GCM1: variants seen among roughly 807,000 people sequenced by gnomAD.
The protein encoded by GCM1 is GCM transcription factor 1, also known as chorion-specific transcription factor GCMa.
A neutral mutation model predicts 25.7 loss-of-function variants in GCM1; 2 were observed. That is an observed-to-expected ratio of 0.08 (90% CI 0.03 to 0.24). The LOEUF (loss-of-function observed/expected upper bound fraction) is 0.24. Among genes scored for constraint, GCM1 ranks in the 10% least tolerant of loss-of-function variants. The pLI is 1.00. For missense variants in GCM1, 395 were observed against 538.7 expected (o/e 0.73, Z 2.64); for synonymous variants, 183 against 195.7 (o/e 0.94, Z 0.54).
At chr6:53,141,967 G>C (rs1763878525) in intron 2 of GCM1, among the ~76,000 whole-genome samples, 1 of 112,838 alleles carries the variant, frequency 8.9e-6, no homozygotes, top group Non-Finnish European at 1.6e-5. Context: ...TTGCGCCACT[G>C]CACTCCAGCT....
chr6:53,130,499 A>C (rs1321967514), intron 5 of GCM1, among the ~76,000 whole-genome samples: 1 of 152,174 alleles, frequency 6.6e-6, no homozygotes, highest in African/African-American at 2.4e-5. Flanking sequence ...AGATTGTTTC[A>C]ATTGTTTTTG....
At chr6:53,135,739 G>A (rs1763788898) in intron 2 of GCM1, among the ~76,000 whole-genome samples, 1 of 152,202 alleles carries the variant, frequency 6.6e-6, no homozygotes, top group African/African-American at 2.4e-5. Context: ...AGGTCCAGAA[G>A]AAAAGACTAG....
chr6:53,142,581 G>A (rs910395816), intron 2 of GCM1, among the ~76,000 whole-genome samples: 11 of 152,102 alleles, frequency 7.2e-5, no homozygotes, highest in East Asian at 3.9e-4. Flanking sequence ...GACTGAGGCA[G>A]GATATGTGGA....
rs1345178914 is a variant in GCM1, at chr6:53,130,784, A to G, written c.570+19T>C. On this transcript the variant is annotated intron_variant, in intron 5 of 5. Transcript: ENST00000259803. The stretch of plus-strand genomic sequence containing the variant: ...TGGCAAGCTACTGCATGTATTGAAC[A>G]TACATAATGAAGGATTACCCTGGTC... 3.1e-6 allele frequency: 5 copies of G among 1,610,662 alleles called. No individual in the cohort carries two copies. Among genetic ancestry groups the G allele is most frequent in the Middle Eastern group, 1.7e-4 (1 of 6,046 alleles).
chr6:53,127,401 A>C lies in GCM1; in HGVS notation c.*805T>G, dbSNP rs1763655821. Reference sequence around the variant, plus strand: ...TACACACTAGTCTCACAACTAGACAACATATTCAGTACTTCAGTGGTAGAA... The same window carrying C: ...TACACACTAGTCTCACAACTAGACACCATATTCAGTACTTCAGTGGTAGAA... On this transcript the variant is annotated 3_prime_UTR_variant, in exon 6 of 6. Transcript: ENST00000259803. The C allele has an allele frequency of 6.6e-6, 1 of 152,198 alleles. No individual in the cohort carries two copies. The highest frequency in any genetic ancestry group is 2.1e-4 in the South Asian group (1 of 4,830). The allele number at this position is 152,198 out of a possible 1,614,324, so 9.4% of individuals were successfully genotyped here. A position where few individuals can be genotyped will look rare whatever the true frequency, so the allele number is the denominator to read the frequency against.
At chr6:53,132,163 G>A (rs1165978723) in intron 3 of GCM1, 44 bp from the exon 4 acceptor site, 6 of 1,226,568 alleles carry the variant, frequency 4.9e-6, no homozygotes, top group South Asian at 1.2e-5. Context: ...GCTGAACCAT[G>A]TCGGTTGTTG....
Position 53,127,167 on chromosome 6 carries a change from A to G in GCM1, c.*1039T>C, listed in dbSNP as rs1763652224. The G allele has an allele frequency of 6.6e-6, 1 of 152,226 alleles. No homozygotes were observed. Among genetic ancestry groups the G allele is most frequent in the Admixed American group, 6.5e-5 (1 of 15,274 alleles). The allele number at this position is 152,226 out of a possible 1,614,324, so 9.4% of individuals were successfully genotyped here. A position where few individuals can be genotyped will look rare whatever the true frequency, so the allele number is the denominator to read the frequency against. ...CCACATTGATATAGGTGCCACAAAT[A>G]ATAAATGGGATAAAACAGAAGCCCC... On this transcript the variant is annotated 3_prime_UTR_variant, in exon 6 of 6. Transcript: ENST00000259803.
Position 53,130,832 on chromosome 6 carries a change from A to G in GCM1, c.541T>C (p.Leu181=), listed in dbSNP as rs1184367786. 9 of 1,613,852 alleles carry G rather than the reference A, an allele frequency of 5.6e-6. No individual in the cohort carries two copies. Among genetic ancestry groups the G allele is most frequent in the East Asian group, 4.5e-5 (2 of 44,876 alleles). Residue 181 remains leucine (L), a synonymous_variant, in exon 5 of 6, where the codon TTG becomes CTG. Coordinates refer to ENST00000259803, the MANE Select transcript of GCM1 (RefSeq NM_003643.4). ...KVNTAPSSVS[L]SLKGSTETRS... ...GTCTCTGTGCTCCCCTTCAGGCTCA[A>G]TGAGACGGAGGAAGGTGCTGTGTTC...
rs1362638063 is a variant in GCM1, at chr6:53,128,295, T to C, written c.1222A>G (p.Ser408Gly). Residue 408 changes from serine (S) to glycine (G), a missense_variant, in exon 6 of 6, where the codon AGC (serine) becomes GGC (glycine). By Grantham distance (56) the Ser-to-Gly change is moderately conservative (BLOSUM62 0). Around this residue, in one of 5 missense-constraint regions of GCM1, gnomAD observed 291 missense variants for 314.6 expected, o/e 0.92. Transcript: ENST00000259803. ...HQQYSLPSKS[S>G]KWDFEEEMTY... ...ATTTCTTCCTCAAAATCCCATTTGC[T>C]GCTCTTGCTTGGCAGTGAATATTGC... The C allele has an allele frequency of 1.2e-6, 2 of 1,613,994 alleles. No individual in the cohort carries two copies. Among genetic ancestry groups the C allele is most frequent in the Admixed American group, 3.3e-5 (2 of 60,026 alleles).
At chr6:53,139,744 C>G (rs1353858896) in intron 2 of GCM1, among the ~76,000 whole-genome samples, 1 of 151,988 alleles carries the variant, frequency 6.6e-6, no homozygotes, top group Non-Finnish European at 1.5e-5. Context: ...GCCTGTAGTC[C>G]CAGCTACACG....
intron 2 of GCM1, among the ~76,000 whole-genome samples, chr6:53,137,617 G>A (rs557018789): frequency 1.3e-5 from 2 of 152,038 alleles, no homozygotes; most frequent in South Asian, 2.1e-4. Flanking sequence ...GTGAGACCAC[G>A]TCTCTACTAA....
At position 53,127,465 on chromosome 6, in the gene GCM1, C is replaced by T. The variant is rs927732462; in HGVS notation, c.*741G>A. The T allele has an allele frequency of 2.0e-5, 3 of 152,222 alleles. No homozygotes were observed. Among genetic ancestry groups the T allele is most frequent in the Non-Finnish European group, 4.4e-5 (3 of 68,072 alleles). The allele number at this position is 152,222 out of a possible 1,614,324, so 9.4% of individuals were successfully genotyped here. A position where few individuals can be genotyped will look rare whatever the true frequency, so the allele number is the denominator to read the frequency against. On this transcript the variant is annotated 3_prime_UTR_variant, in exon 6 of 6. Coordinates refer to ENST00000259803, the MANE Select transcript of GCM1 (RefSeq NM_003643.4). ...ACACCTTAGGCAGTTCTTCCACCATCTATTTCTGTTTCTTCATTCTCAGTT... is the reference window on the plus strand; with the variant it reads ...ACACCTTAGGCAGTTCTTCCACCATTTATTTCTGTTTCTTCATTCTCAGTT...
chr6:53,130,505 T>C (rs1422624383), intron 5 of GCM1, among the ~76,000 whole-genome samples: 1 of 152,210 alleles, frequency 6.6e-6, no homozygotes, highest in African/African-American at 2.4e-5. Context: ...TTTCAATTGT[T>C]TTTGGTTCTT....
At chr6:53,131,067 T>C in intron 4 of GCM1, 136 bp from the exon 5 acceptor site, 2 of 778,010 alleles carry the variant, frequency 2.6e-6, no homozygotes, top group Non-Finnish European at 4.2e-6. Flanking sequence ...CCAGACTGGA[T>C]GAACCTCTGA....
rs1034102993 is a variant in GCM1 at position 53,148,182 on chromosome 6, T to C, written c.-137+572A>G. 2.0e-4 allele frequency among the ~76,000 whole-genome samples: 31 copies of C among 152,324 alleles called. 1 individual carries two copies. Among genetic ancestry groups the C allele is most frequent in the African/African-American group, 6.7e-4 (28 of 41,592 alleles). Reference sequence around the variant, plus strand: ...ATTCAAAGGACTTAAATAACAGGTATAGAAGATGCAGATACCAAGCAGCAG... The same window carrying C: ...ATTCAAAGGACTTAAATAACAGGTACAGAAGATGCAGATACCAAGCAGCAG... On this transcript the variant is annotated intron_variant, in intron 1 of 5. Coordinates refer to ENST00000259803, the MANE Select transcript of GCM1 (RefSeq NM_003643.4).
Position 53,128,325 on chromosome 6 carries a change from G to T in GCM1, c.1192C>A (p.His398Asn), listed in dbSNP as rs201788899. The stretch of plus-strand genomic sequence containing the variant: ...TTGCTTGGCAGTGAATATTGCTGAT[G>T]AGGATGAGAGGCGTAGGTGAAGAGA... Reference protein sequence around the residue: ...PFLFTYASHPHQQYSLPSKSS... With the variant: ...PFLFTYASHPNQQYSLPSKSS... Residue 398 changes from histidine (H) to asparagine (N), a missense_variant, in exon 6 of 6, where the codon CAT becomes AAT. This residue lies in a region of GCM1 where 291 missense variants were observed against 314.6 expected (regional missense o/e 0.92). Transcript: ENST00000259803. 2 of 1,614,044 alleles carry T rather than the reference G, an allele frequency of 1.2e-6. No individual in the cohort carries two copies. Among genetic ancestry groups the T allele is most frequent in the Non-Finnish European group, 1.7e-6 (2 of 1,179,940 alleles).
At position 53,142,934 on chromosome 6, in the gene GCM1, A is replaced by G. The variant is rs996100396; in HGVS notation, c.75+2624T>C. ...TGGAACTAGAATTCAAATCTGGGGC[A>G]TTTTTCTCCAAGTCCTGTACTTTTC... On this transcript the variant is annotated intron_variant, in intron 2 of 5. Coordinates refer to ENST00000259803, the MANE Select transcript of GCM1 (RefSeq NM_003643.4). Among the ~76,000 whole-genome samples, 3 of 145,070 alleles carry G rather than the reference A, an allele frequency of 2.1e-5. No homozygotes were observed. The Admixed American group carries it at 2.2e-4, about 11-fold the overall frequency.
intron 2 of GCM1, among the ~76,000 whole-genome samples, chr6:53,144,992 G>GAGAAAGAAAGAAAAAA (rs1053703558): frequency 7.3e-6 from 1 of 137,348 alleles, no homozygotes; most frequent in Non-Finnish European, 1.6e-5. Context: ...GAAAGAGAGA[G>GAGAAAGAAAGAAAAAA]AGAAAGAAAG....
chr6:53,142,208 A>G (rs1763886284), intron 2 of GCM1, among the ~76,000 whole-genome samples: 1 of 152,108 alleles, frequency 6.6e-6, no homozygotes, highest in Non-Finnish European at 1.5e-5. Context: ...ATCTAGATCG[A>G]TGGGACAGAG....
Sources: allele counts gnomAD v4.1 joint callset (sites outside exome capture counted in the v4.1 genomes callset), GRCh38; gene constraint gnomAD v4.1.1; regional missense constraint gnomAD v4.1.1; transcripts MANE v1.5; gene names NCBI Gene and HGNC (gene_info 2026-07-23, HGNC 2026-07-21).